NBAS: variants seen among roughly 807,000 people sequenced by gnomAD.
NBAS encodes the protein NAG/BC035112 fusion.
A neutral mutation model predicts 302.5 loss-of-function variants in NBAS; 219 were observed. The ratio of observed to expected loss-of-function variants is 0.72; its 90% confidence interval spans 0.65 to 0.81. NBAS has a LOEUF of 0.81. Ranked by LOEUF, NBAS falls within the 30% of genes least tolerant of loss-of-function variation. NBAS has a pLI of 0.00. For synonymous variants in NBAS, 1,118 were observed against 1,021.6 expected, an observed-to-expected ratio of 1.09 and a Z score of -1.80; for missense variants, 2,932 against 2,841.6, an observed-to-expected ratio of 1.03 and a Z score of -0.72.
At chr2:15,386,691 C>T (rs1006978816) in intron 28 of NBAS, among the ~76,000 whole-genome samples, 1 of 152,162 alleles carries the variant, frequency 6.6e-6, no homozygotes, top group African/African-American at 2.4e-5. Context: ...GTCATAGTTA[C>T]CCTTTATTTT....
At chr2:14,821,778 C>T in the NBAS span, among the ~76,000 whole-genome samples, 1 of 151,746 alleles carries the variant, frequency 6.6e-6, no homozygotes, top group Admixed American at 6.6e-5. Flanking sequence ...TTTTGGAGGC[C>T]GAGGCAGGTG....
At chr2:15,167,711 G>C (rs768938361) in intron 51 of NBAS, among the ~76,000 whole-genome samples, 5 of 152,220 alleles carry the variant, frequency 3.3e-5, no homozygotes, top group Non-Finnish European at 5.9e-5. Flanking sequence ...ACCAGTTGTA[G>C]AGCCAGATTG....
At chr2:15,409,935 T>C (rs534734320) in intron 25 of NBAS, among the ~76,000 whole-genome samples, 1 of 152,306 alleles carries the variant, frequency 6.6e-6, no homozygotes, top group Non-Finnish European at 1.5e-5. Flanking sequence ...CACCAGCCCA[T>C]GTCCAGTTTT....
rs763902552 is a variant in NBAS, at chr2:15,461,163, A to G, written c.2339+38T>C. On this transcript the variant is annotated intron_variant, in intron 21 of 51. Coordinates refer to ENST00000281513, the MANE Select transcript of NBAS (RefSeq NM_015909.4). The stretch of plus-strand genomic sequence containing the variant: ...AGCATGACAAAAAAATTATCAATAT[A>G]AAAAAGAAGGTAAAATTCTGTTAAC... The G allele has an allele frequency of 4.4e-6, 7 of 1,586,372 alleles. No individual in the cohort carries two copies. The South Asian group carries it at 6.7e-5, about 15-fold the overall frequency.
At chr2:15,549,536 G>C (rs1163031809) in intron 6 of NBAS, among the ~76,000 whole-genome samples, 4 of 151,500 alleles carry the variant, frequency 2.6e-5, no homozygotes, top group Admixed American at 2.6e-4. Flanking sequence ...CACCAGGCTG[G>C]GCAACGTGGC....
chr2:14,860,217 G>A, the NBAS span, among the ~76,000 whole-genome samples: 2 of 152,014 alleles, frequency 1.3e-5, no homozygotes, highest in African/African-American at 2.4e-5. Context: ...AGAGAACCCT[G>A]GCACATTGTT....
At chr2:14,901,747 C>T in the NBAS span, among the ~76,000 whole-genome samples, 1 of 152,146 alleles carries the variant, frequency 6.6e-6, no homozygotes, top group Non-Finnish European at 1.5e-5. Flanking sequence ...ATACACAGCC[C>T]ACAGCCCTCA....
chr2:14,885,265 A>G, the NBAS span, among the ~76,000 whole-genome samples: 1 of 152,152 alleles, frequency 6.6e-6, no homozygotes, highest in African/African-American at 2.4e-5. Flanking sequence ...AGAGATGGAG[A>G]GAAATGGGTG....
the NBAS span, among the ~76,000 whole-genome samples, chr2:15,024,641 C>T: frequency 2.0e-5 from 3 of 152,082 alleles, no homozygotes; most frequent in African/African-American, 4.8e-5. Context: ...TATTTTTTGA[C>T]TTTTTGATAA....
chr2:14,975,370 C>A, the NBAS span, among the ~76,000 whole-genome samples: 3 of 152,202 alleles, frequency 2.0e-5, no homozygotes, highest in Admixed American at 6.5e-5. Flanking sequence ...CTTTGGAGAG[C>A]TTTGGTTAGT....
chr2:14,976,979 A>C, the NBAS span, among the ~76,000 whole-genome samples: 9 of 152,194 alleles, frequency 5.9e-5, no homozygotes, highest in Admixed American at 5.2e-4. Context: ...GTTTGTGGTA[A>C]TTTATTAAGA....
intron 37 of NBAS, 148 bp downstream of exon 37, chr2:15,328,051 T>A: frequency 8.8e-7 from 1 of 1,139,028 alleles, no homozygotes. Context: ...ATGGTCATAA[T>A]ATATACCAAA....
At chr2:15,040,801 G>A in the NBAS span, among the ~76,000 whole-genome samples, 2 of 152,270 alleles carry the variant, frequency 1.3e-5, no homozygotes, top group South Asian at 2.1e-4. Flanking sequence ...CCCAGTGCTC[G>A]CACTTGTCCC....
At chr2:14,943,351 C>G in the NBAS span, among the ~76,000 whole-genome samples, 5 of 152,174 alleles carry the variant, frequency 3.3e-5, no homozygotes, top group Admixed American at 3.3e-4. Flanking sequence ...TGTATATTTT[C>G]ATGTTACAGC....
chr2:15,490,592 C>T (rs1680814356), intron 11 of NBAS, among the ~76,000 whole-genome samples: 1 of 152,166 alleles, frequency 6.6e-6, no homozygotes, highest in South Asian at 2.1e-4. Flanking sequence ...AGGCAGGCCT[C>T]AGAAGCACAG....
intron 49 of NBAS, among the ~76,000 whole-genome samples, chr2:15,188,845 T>C (rs1352489108): frequency 6.6e-6 from 1 of 152,168 alleles, no homozygotes; most frequent in African/African-American, 2.4e-5. Flanking sequence ...AATTGGGAAA[T>C]GAGGGTTAAG....
intron 21 of NBAS, among the ~76,000 whole-genome samples, chr2:15,443,620 C>T (rs1306820912): frequency 6.6e-6 from 1 of 150,906 alleles, no homozygotes; most frequent in Non-Finnish European, 1.5e-5. Context: ...TCTCACCACT[C>T]CTATTCAACA....
At chr2:15,532,640 T>C (rs919882975) in intron 9 of NBAS, among the ~76,000 whole-genome samples, 6 of 152,062 alleles carry the variant, frequency 3.9e-5, no homozygotes, top group African/African-American at 1.2e-4. Context: ...ATAAACATTG[T>C]GTAAAATTGG....
At chr2:15,334,914 C>T (rs1672509214) in intron 35 of NBAS, among the ~76,000 whole-genome samples, 1 of 152,218 alleles carries the variant, frequency 6.6e-6, no homozygotes, top group Non-Finnish European at 1.5e-5. Context: ...GTCACTAACC[C>T]TGCCAAAACA....
Sources: gnomAD v4.1 joint callset for allele counts (sites outside exome capture counted in the v4.1 genomes callset) on GRCh38, gnomAD v4.1.1 for gene constraint, MANE v1.5 for transcripts, NCBI Gene and HGNC (gene_info 2026-07-23, HGNC 2026-07-21) for gene names.